The following AXDND1 variants were observed in gnomAD, a reference collection of about 807,000 sequenced individuals.
AXDND1 encodes axonemal dynein light chain domain-containing protein 1.
A neutral mutation model predicts 137.5 loss-of-function variants in AXDND1; 110 were observed. That is an observed-to-expected ratio of 0.80 (90% CI 0.69 to 0.94). The LOEUF (loss-of-function observed/expected upper bound fraction) is 0.94, where lower values mean the gene tolerates loss of function less well. Among genes scored for constraint, AXDND1 ranks in the 40% least tolerant of loss-of-function variants. The pLI, the probability that AXDND1 is intolerant of heterozygous loss-of-function variation, is 0.00. For synonymous variants in AXDND1, 414 were observed against 399.7 expected (o/e 1.04, Z -0.43); for missense variants, 1,191 against 1,169.8 (o/e 1.02, Z -0.26).
chr1:179,413,162 T>A (rs982158642), intron 12 of AXDND1, among the ~76,000 whole-genome samples: 1 of 150,962 alleles, frequency 6.6e-6, no homozygotes, highest in African/African-American at 2.4e-5. Context: ...ACATTGAACA[T>A]TTACATACAC....
chr1:179,511,031 A>G (rs1047601956), intron 21 of AXDND1, among the ~76,000 whole-genome samples: 5 of 151,710 alleles, frequency 3.3e-5, no homozygotes, highest in African/African-American at 1.2e-4. Flanking sequence ...TTCACTTACA[A>G]TAAGAGTCTC....
At chr1:179,526,068 A>G (rs529410979) in intron 22 of AXDND1, among the ~76,000 whole-genome samples, 2 of 151,870 alleles carry the variant, frequency 1.3e-5, no homozygotes, top group African/African-American at 4.8e-5. Flanking sequence ...CTCTGGTACT[A>G]TTTTTTTAGC....
At chr1:179,508,528 G>A (rs779736263) in intron 20 of AXDND1, among the ~76,000 whole-genome samples, 11 of 152,138 alleles carry the variant, frequency 7.2e-5, no homozygotes, top group South Asian at 4.2e-4. Context: ...AAGGAATAAT[G>A]TACCTTTTAA....
rs1671259838 is a variant in AXDND1 at position 179,533,815 on chromosome 1, T to C, written c.2736T>C (p.Gly912=). ...LSSWRESAKQ[G]TLAQKYLEAM... is the part of the protein sequence containing the mutation. ...GTCAGAGAGAGTCAGCTAAGCAAGG[T>C]ACATTGGCCCAAAAATATCTTGAAG... is the stretch of plus-strand genomic sequence containing the variant. Residue 912 remains glycine, a synonymous_variant, in exon 24 of 26, where the codon GGT becomes GGC. Transcript: ENST00000367618. 3 of 1,612,970 alleles carry C rather than the reference T, an allele frequency of 1.9e-6. No homozygotes were observed. The highest frequency in any genetic ancestry group is 2.5e-6 in the Non-Finnish European group (3 of 1,179,276).
At chr1:179,438,705 T>A (rs997466327) in intron 15 of AXDND1, among the ~76,000 whole-genome samples, 1 of 152,154 alleles carries the variant, frequency 6.6e-6, no homozygotes, top group Admixed American at 6.5e-5. Flanking sequence ...GTAGGGATAT[T>A]ATGTGTTTGC....
chr1:179,509,616 T>G (rs1668838493), intron 21 of AXDND1, among the ~76,000 whole-genome samples: 1 of 152,118 alleles, frequency 6.6e-6, no homozygotes, highest in South Asian at 2.1e-4. Context: ...TTTTAGCAGG[T>G]GATTTTATAA....
intron 12 of AXDND1, among the ~76,000 whole-genome samples, chr1:179,411,780 G>T (rs1653935041): frequency 6.6e-6 from 1 of 152,054 alleles, no homozygotes; most frequent in Non-Finnish European, 1.5e-5. Flanking sequence ...AATAAAGTAG[G>T]AAAGGTGGTT....
intron 21 of AXDND1, among the ~76,000 whole-genome samples, chr1:179,515,159 T>G (rs973046410): frequency 6.6e-6 from 1 of 151,972 alleles, no homozygotes; most frequent in Non-Finnish European, 1.5e-5. Context: ...TAAATTTTCA[T>G]TTTTTTTGTT....
chr1:179,490,888 G>T (rs1346002077), intron 18 of AXDND1, among the ~76,000 whole-genome samples: 1 of 152,076 alleles, frequency 6.6e-6, no homozygotes, highest in Non-Finnish European at 1.5e-5. Context: ...GCTGTGTCTG[G>T]TAGATGTTAC....
At chr1:179,540,145 T>G (rs142228348) in intron 25 of AXDND1, among the ~76,000 whole-genome samples, 4,711 of 152,142 alleles carry the variant, frequency 0.031, 271 homozygotes, top group African/African-American at 0.11. Context: ...AACATGCTCC[T>G]TTAGCTCGGA....
chr1:179,385,347 T>A lies in AXDND1; in HGVS notation c.851T>A (p.Leu284Gln), dbSNP rs1388917910. 6.2e-7 allele frequency: 1 copy of A among 1,614,098 alleles called. No individual in the cohort carries two copies. The highest frequency in any genetic ancestry group is 1.1e-5 in the South Asian group (1 of 91,080). ...SVDCADRGEL[L>Q]SKVRERYVQM... ...GACTGTGCAGACAGAGGAGAACTTC[T>A]GTCTAAAGTCAGGTTAGTGCTGTTA... The change falls in exon 9 of 26, where the codon CTG becomes CAG. Residue 284 changes from leucine (L) to glutamine (Q), a missense_variant. Coordinates refer to ENST00000367618, the MANE Select transcript of AXDND1 (RefSeq NM_144696.6).
intron 4 of AXDND1, among the ~76,000 whole-genome samples, chr1:179,373,382 G>A (rs1003148135): frequency 1.6e-4 from 24 of 152,258 alleles, no homozygotes; most frequent in African/African-American, 4.1e-4. Flanking sequence ...AATCAATATC[G>A]TGAAAATGGC....
chr1:179,419,789 A>T (rs1014989237), intron 12 of AXDND1, among the ~76,000 whole-genome samples: 1 of 152,178 alleles, frequency 6.6e-6, no homozygotes, highest in African/African-American at 2.4e-5. Context: ...TGATTTTTGT[A>T]TGTTGATTTT....
In AXDND1 at chr1:179,366,536, C is replaced by A; in HGVS notation, c.27C>A (p.Thr9=). 6.2e-7 allele frequency: 1 copy of A among 1,613,682 alleles called. No individual in the cohort carries two copies. Among genetic ancestry groups the A allele is most frequent in the Non-Finnish European group, 8.5e-7 (1 of 1,179,750 alleles). Residue 9 remains threonine (T), a synonymous_variant, in exon 2 of 26, where the codon ACC becomes ACA. Coordinates refer to ENST00000367618, the MANE Select transcript of AXDND1 (RefSeq NM_144696.6). Reference sequence around the variant, plus strand: ...TGTCTCTCCCGAAAACGCCCTCCACCCCGCTAAACTCTACATCAACATCTG... The same window carrying A: ...TGTCTCTCCCGAAAACGCCCTCCACACCGCTAAACTCTACATCAACATCTG... MSLPKTPS[T]PLNSTSTSES...
At chr1:179,390,198 G>A (rs149098498) in intron 9 of AXDND1, among the ~76,000 whole-genome samples, 49 of 152,194 alleles carry the variant, frequency 3.2e-4, no homozygotes, top group South Asian at 1.2e-3. Context: ...ATTTTTAGTA[G>A]ATACAAGGTT....
rs752435168 is a variant in AXDND1 at position 179,488,632 on chromosome 1, CTCCTTTCTTTCTTTCTTTCTTTCTT to C, written c.2092-2903_2092-2879del. Among the ~76,000 whole-genome samples, 437 of 63,156 alleles carry C rather than the reference CTCCTTTCTTTCTTTCTTTCTTTCTT, an allele frequency of 6.9e-3. 46 individuals are homozygous for C. The highest frequency in any genetic ancestry group is 0.017 in the African/African-American group (285 of 16,478). The allele number at this position is 63,156 out of a possible 152,430, so 41.4% of individuals were successfully genotyped here. On this transcript the variant is annotated intron_variant, in intron 18 of 25. Coordinates refer to ENST00000367618, the MANE Select transcript of AXDND1 (RefSeq NM_144696.6). ...TCTTTCTTTCTTTCTCTCTCTCTCT[CTCCTTTCTTTCTTTCTTTCTTTCTT>C]TCTTTCTTTCTTTCTTTCTTTCTTT...
At chr1:179,367,960 G>A (rs1037885481) in intron 2 of AXDND1, among the ~76,000 whole-genome samples, 3 of 149,864 alleles carry the variant, frequency 2.0e-5, no homozygotes, top group Non-Finnish European at 4.4e-5. Context: ...AAAACCCCAA[G>A]CCCCACCCAA....
chr1:179,491,828 T>C (rs1023550529), intron 19 of AXDND1, 91 bp downstream of exon 19: 36 of 1,132,522 alleles, frequency 3.2e-5, no homozygotes, highest in Admixed American at 3.0e-4. Flanking sequence ...ATAGGAGTTA[T>C]TTTAAAACCT....
chr1:179,493,155 C>G (rs1667099634), intron 20 of AXDND1, among the ~76,000 whole-genome samples: 2 of 152,096 alleles, frequency 1.3e-5, no homozygotes, highest in African/African-American at 4.8e-5. Flanking sequence ...CCTTGTACTC[C>G]TCTTTTATTT....
Sources: allele counts gnomAD v4.1 joint callset (sites outside exome capture counted in the v4.1 genomes callset), GRCh38; gene constraint gnomAD v4.1.1; transcripts MANE v1.5; gene names NCBI Gene and HGNC (gene_info 2026-07-23, HGNC 2026-07-21).